The following N4BP2L2 variants were observed in gnomAD, a reference collection of about 807,000 sequenced individuals.
N4BP2L2 encodes NEDD4 binding protein 2 like 2.
Under a neutral mutation model 56.2 loss-of-function variants are expected in N4BP2L2, and 50 were observed. The observed-to-expected ratio is 0.89, with a 90% CI of 0.71 to 1.13. The LOEUF (loss-of-function observed/expected upper bound fraction) is 1.13, where lower values mean the gene tolerates loss of function less well. Ranked by LOEUF, N4BP2L2 falls within the 50% of genes most tolerant of loss-of-function variation. The pLI is 0.00. For missense variants in N4BP2L2, 689 were observed against 693.8 expected (o/e 0.99, Z 0.08); for synonymous variants, 203 against 223.6 (o/e 0.91, Z 0.82).
At chr13:32,469,335 T>C (rs2081860199) in intron 6 of N4BP2L2, among the ~76,000 whole-genome samples, 1 of 152,152 alleles carries the variant, frequency 6.6e-6, no homozygotes, top group Non-Finnish European at 1.5e-5. Flanking sequence ...ACAGGTCCCC[T>C]GTGAGTGTGG....
chr13:32,458,098 T>C (rs1013503557), intron 6 of N4BP2L2, among the ~76,000 whole-genome samples: 7 of 151,286 alleles, frequency 4.6e-5, no homozygotes, highest in Non-Finnish European at 7.3e-5. Flanking sequence ...GAGACTTTGC[T>C]CTGTTGCCCA....
chr13:32,533,429 A>G (rs2055561013), intron 2 of N4BP2L2, among the ~76,000 whole-genome samples: 1 of 152,106 alleles, frequency 6.6e-6, no homozygotes, highest in South Asian at 2.1e-4. Flanking sequence ...TTAAGTAAGA[A>G]GGGGACTTGA....
At chr13:32,533,688 C>A (rs1246513036) in intron 2 of N4BP2L2, among the ~76,000 whole-genome samples, 1 of 151,920 alleles carries the variant, frequency 6.6e-6, no homozygotes, top group Admixed American at 6.6e-5. Context: ...AATCTGCCTG[C>A]CTTGGCCTCC....
intron 2 of N4BP2L2, among the ~76,000 whole-genome samples, chr13:32,531,971 A>G (rs1194272448): frequency 6.6e-6 from 1 of 152,192 alleles, no homozygotes; most frequent in Non-Finnish European, 1.5e-5. Context: ...CCAGCAGTGC[A>G]GCATCTTCTC....
chr13:32,432,999 G>C (rs540998774), intron 9 of N4BP2L2: 1 of 152,300 alleles, frequency 6.6e-6, no homozygotes, highest in East Asian at 1.9e-4. Context: ...GCCCAGACAA[G>C]ACCAGAAAAC....
chr13:32,502,467 A>G (rs892925743), intron 6 of N4BP2L2, among the ~76,000 whole-genome samples: 3 of 152,186 alleles, frequency 2.0e-5, no homozygotes, highest in African/African-American at 7.2e-5. Context: ...AAGGCAAACA[A>G]AAATCACAGA....
At chr13:32,527,410 C>G (rs865790569) in exon 3 of N4BP2L2, 1 of 1,613,770 alleles carries the variant, frequency 6.2e-7, no homozygotes, top group African/African-American at 1.3e-5. Flanking sequence ...AAACAAACCT[C>G]TGTTCTGGTT....
At chr13:32,500,767 T>C (rs2089844803) in intron 6 of N4BP2L2, among the ~76,000 whole-genome samples, 1 of 151,398 alleles carries the variant, frequency 6.6e-6, no homozygotes, top group Admixed American at 6.6e-5. Flanking sequence ...TGTAACAGTA[T>C]CTTAAAATAT....
At chr13:32,515,608 G>A (rs997253605) in exon 6 of N4BP2L2, 1 of 152,102 alleles carries the variant, frequency 6.6e-6, no homozygotes, top group South Asian at 2.1e-4. Context: ...AGAACTAGGA[G>A]ATGAAGACAA....
exon 6 of N4BP2L2, chr13:32,512,714 T>A (rs2048369720): frequency 1.3e-5 from 2 of 152,220 alleles, no homozygotes; most frequent in Admixed American, 1.3e-4. Context: ...TTCTTCTTGT[T>A]CTTGTGCATA....
At chr13:32,451,237 C>G (rs1033551107) in intron 6 of N4BP2L2, among the ~76,000 whole-genome samples, 1 of 151,712 alleles carries the variant, frequency 6.6e-6, no homozygotes, top group Non-Finnish European at 1.5e-5. Context: ...GTTTTAAGAC[C>G]AGCCTGGGCA....
intron 3 of N4BP2L2, among the ~76,000 whole-genome samples, chr13:32,526,520 T>C (rs540914587): frequency 6.6e-6 from 1 of 152,298 alleles, no homozygotes. Context: ...TAAAAGCCCA[T>C]ATACCAAAAT....
intron 6 of N4BP2L2, among the ~76,000 whole-genome samples, chr13:32,468,479 G>A (rs1027951585): frequency 2.6e-5 from 4 of 152,132 alleles, no homozygotes; most frequent in East Asian, 1.9e-4. Context: ...TTGGTAAAGC[G>A]AAGAACAAAA....
rs541733583 is a variant in N4BP2L2, at chr13:32,447,807, T to G, written c.366-3681A>C. On this transcript the variant is annotated intron_variant, in intron 6 of 9. Transcript: ENST00000357505. ...CCTGCTAATGTCTTTTTTTCGTTGT[T>G]TTTTTTTCTCCTAAGTCTGCTTTCT... 7.8e-4 allele frequency among the ~76,000 whole-genome samples: 119 copies of G among 151,782 alleles called. 5 individuals carry two copies. The South Asian group carries it at 0.024, about 31-fold the overall frequency.
intron 6 of N4BP2L2, among the ~76,000 whole-genome samples, chr13:32,468,460 A>G (rs911695122): frequency 6.6e-6 from 1 of 152,216 alleles, no homozygotes; most frequent in Non-Finnish European, 1.5e-5. Flanking sequence ...TGTTCTGTCA[A>G]TATTTTCATT....
At chr13:32,523,936 C>T (rs957680138) in intron 3 of N4BP2L2, 2 of 152,094 alleles carry the variant, frequency 1.3e-5, no homozygotes, top group Admixed American at 6.5e-5. Flanking sequence ...AACCAAACAC[C>T]TCTTGTTCCC....
At chr13:32,526,029 C>CAA (rs1274880215) in intron 3 of N4BP2L2, among the ~76,000 whole-genome samples, 2,046 of 37,236 alleles carry the variant, frequency 0.055, 108 homozygotes, top group African/African-American at 0.11. Flanking sequence ...ATCTGCTTGC[C>CAA]AAAAAAAAAA....
chr13:32,494,155 C>T (rs747812175), intron 6 of N4BP2L2, among the ~76,000 whole-genome samples: 6 of 152,004 alleles, frequency 3.9e-5, no homozygotes, highest in East Asian at 1.9e-4. Context: ...TGGTGGTGTA[C>T]GCCTGTAATC....
chr13:32,484,837 T>C (rs1300403212), intron 6 of N4BP2L2, among the ~76,000 whole-genome samples: 78 of 152,190 alleles, frequency 5.1e-4, no homozygotes, highest in Admixed American at 5.0e-3. Flanking sequence ...TCATCTTAAG[T>C]ATATGAAATA....
Sources: gnomAD v4.1 joint callset for allele counts (sites outside exome capture counted in the v4.1 genomes callset) on GRCh38, gnomAD v4.1.1 for gene constraint, MANE v1.5 for transcripts, NCBI Gene and HGNC (gene_info 2026-07-23, HGNC 2026-07-21) for gene names.